The following RAB38 variants were observed in gnomAD, a reference collection of about 807,000 sequenced individuals.
RAB38 encodes RAB38, member RAS oncogene family, also known as ras-related protein Rab-38.
Under a neutral mutation model 18.4 loss-of-function variants are expected in RAB38, and 15 were observed. That is an observed-to-expected ratio of 0.82 (90% CI 0.55 to 1.26). The LOEUF is 1.26. RAB38 is among the 50% of genes most tolerant of loss of function. RAB38 has a pLI of 0.00. For synonymous variants in RAB38, 101 were observed against 104.4 expected (o/e 0.97, Z 0.20); for missense variants, 294 against 267.4 (o/e 1.10, Z -0.69).
chr11:88,079,373 G>A, the RAB38 span, among the ~76,000 whole-genome samples: 1 of 151,672 alleles, frequency 6.6e-6, no homozygotes, highest in African/African-American at 2.4e-5. Context: ...CTCGTGTAAG[G>A]AAAATGATAT....
At chr11:87,937,511 G>T in the RAB38 span, among the ~76,000 whole-genome samples, 2 of 151,440 alleles carry the variant, frequency 1.3e-5, no homozygotes, top group African/African-American at 4.9e-5. Flanking sequence ...AAGACATTGT[G>T]TCAAATTGGC....
the RAB38 span, among the ~76,000 whole-genome samples, chr11:88,033,064 C>A: frequency 1.2e-4 from 19 of 152,254 alleles, no homozygotes; most frequent in African/African-American, 3.6e-4. Context: ...ATGATGAGTT[C>A]ATGTCCTTTG....
At chr11:87,820,101 C>T in the RAB38 span, among the ~76,000 whole-genome samples, 1 of 152,108 alleles carries the variant, frequency 6.6e-6, no homozygotes, top group African/African-American at 2.4e-5. Flanking sequence ...AGATCAGGCA[C>T]TGATAAAGAA....
the RAB38 span, among the ~76,000 whole-genome samples, chr11:87,842,146 A>T: frequency 6.6e-6 from 1 of 152,186 alleles, no homozygotes; most frequent in Admixed American, 6.5e-5. Flanking sequence ...AACATGTCAG[A>T]GAGGCTGCTT....
At chr11:88,054,076 C>T in the RAB38 span, among the ~76,000 whole-genome samples, 3 of 152,228 alleles carry the variant, frequency 2.0e-5, no homozygotes, top group South Asian at 2.1e-4. Context: ...ATGTTATGCC[C>T]GCATCACCTG....
chr11:87,811,373 T>C, the RAB38 span, among the ~76,000 whole-genome samples: 1 of 152,330 alleles, frequency 6.6e-6, no homozygotes, highest in Admixed American at 6.5e-5. Flanking sequence ...ATTATCATTG[T>C]TAGAAAGGCA....
At chr11:88,006,191 T>C in the RAB38 span, among the ~76,000 whole-genome samples, 1 of 151,480 alleles carries the variant, frequency 6.6e-6, no homozygotes, top group Non-Finnish European at 1.5e-5. Flanking sequence ...TTGACTTTAT[T>C]AATCTCCAGG....
chr11:88,143,526 G>A (rs1591167618), intron 2 of RAB38, among the ~76,000 whole-genome samples: 1 of 150,052 alleles, frequency 6.7e-6, no homozygotes, highest in East Asian at 1.9e-4. Context: ...ATCATAGTTT[G>A]CTAATGCATG....
chr11:88,080,095 A>G, the RAB38 span, among the ~76,000 whole-genome samples: 1 of 151,942 alleles, frequency 6.6e-6, no homozygotes, highest in South Asian at 2.1e-4. Context: ...AAATGGAGAA[A>G]TAAAACTGTC....
chr11:88,132,581 A>G (rs1029479549), intron 2 of RAB38, among the ~76,000 whole-genome samples: 1 of 152,086 alleles, frequency 6.6e-6, no homozygotes, highest in Non-Finnish European at 1.5e-5. Context: ...CCTCAGCCTC[A>G]CGAGTAGCTG....
chr11:87,961,941 T>C, the RAB38 span, among the ~76,000 whole-genome samples: 5 of 152,284 alleles, frequency 3.3e-5, no homozygotes, highest in Admixed American at 6.5e-5. Context: ...ATCAAGACTT[T>C]AGTGAGAAAG....
chr11:88,033,048 T>C, the RAB38 span, among the ~76,000 whole-genome samples: 2 of 152,114 alleles, frequency 1.3e-5, no homozygotes, highest in Non-Finnish European at 2.9e-5. Flanking sequence ...TATGCAGCCA[T>C]AAAAAATGAT....
the RAB38 span, among the ~76,000 whole-genome samples, chr11:87,952,175 G>A: frequency 6.6e-6 from 1 of 152,194 alleles, no homozygotes; most frequent in South Asian, 2.1e-4. Context: ...AGAGGAGCTG[G>A]GGGGTAGGGA....
chr11:87,937,770 A>G, the RAB38 span, among the ~76,000 whole-genome samples: 1 of 151,654 alleles, frequency 6.6e-6, no homozygotes, highest in Non-Finnish European at 1.5e-5. Context: ...TTGGTTCTTC[A>G]TAATATCTTC....
chr11:87,949,908 G>T, the RAB38 span, among the ~76,000 whole-genome samples: 2 of 152,170 alleles, frequency 1.3e-5, no homozygotes, highest in East Asian at 3.8e-4. Flanking sequence ...TATTAGGTCT[G>T]CTTGGTGCAG....
At chr11:87,833,639 TTA>T in the RAB38 span, among the ~76,000 whole-genome samples, 3 of 152,238 alleles carry the variant, frequency 2.0e-5, no homozygotes, top group African/African-American at 7.2e-5. Flanking sequence ...GTAAGTACTG[TTA>T]TCACCTTCAT....
the RAB38 span, among the ~76,000 whole-genome samples, chr11:87,975,868 A>G: frequency 6.6e-6 from 1 of 151,672 alleles, no homozygotes. Flanking sequence ...GAAACAACAC[A>G]AATTAGCAAT....
At chr11:88,170,047 A>G (rs1943291076) in intron 1 of RAB38, among the ~76,000 whole-genome samples, 1 of 152,196 alleles carries the variant, frequency 6.6e-6, no homozygotes, top group African/African-American at 2.4e-5. Context: ...CAAATGCCTT[A>G]GCTTTCCTTG....
At chr11:88,165,228 C>G (rs566249205) in intron 1 of RAB38, among the ~76,000 whole-genome samples, 11 of 152,120 alleles carry the variant, frequency 7.2e-5, no homozygotes, top group Non-Finnish European at 1.5e-4. Flanking sequence ...AATAGCATGG[C>G]TAGAAAATAG....
Sources: gnomAD v4.1 joint callset for allele counts (sites outside exome capture counted in the v4.1 genomes callset) on GRCh38, gnomAD v4.1.1 for gene constraint, MANE v1.5 for transcripts, NCBI Gene and HGNC (gene_info 2026-07-23, HGNC 2026-07-21) for gene names.